Variants in TASP1 observed in about 807,000 individuals in gnomAD.
The protein encoded by TASP1 is taspase 1, also known as threonine aspartase 1.
A neutral mutation model predicts 56.6 loss-of-function variants in TASP1; 16 were observed. The ratio of observed to expected loss-of-function variants is 0.28; its 90% CI spans 0.19 to 0.43. TASP1 has a LOEUF of 0.43. Ranked by LOEUF, TASP1 falls within the 20% of genes least tolerant of loss-of-function variation. The probability of loss-of-function intolerance (pLI) is 1.00; values close to 1 mark genes in which losing one functional copy is unlikely to be tolerated. For synonymous variants in TASP1, 179 were observed against 184.2 expected (o/e 0.97, Z 0.23); for missense variants, 393 against 511.6 (o/e 0.77, Z 2.24).
At chr20:13,214,562 C>CACAGAGAG in the TASP1 span, among the ~76,000 whole-genome samples, 4 of 111,376 alleles carry the variant, frequency 3.6e-5, no homozygotes, top group African/African-American at 1.3e-4. Context: ...CACACACACA[C>CACAGAGAG]AGAGAGAGAG....
the TASP1 span, chr20:13,160,033 A>G: frequency 6.2e-7 from 1 of 1,613,768 alleles, no homozygotes; most frequent in Non-Finnish European, 8.5e-7. Flanking sequence ...TAGAGAAAAA[A>G]ATTGGAGTGG....
At chr20:13,338,098 C>A in the TASP1 span, among the ~76,000 whole-genome samples, 1 of 152,188 alleles carries the variant, frequency 6.6e-6, no homozygotes, top group South Asian at 2.1e-4. Flanking sequence ...GTAGGCAGAG[C>A]AGCCCTTAGG....
At chr20:13,578,788 T>G (rs2047015673) in intron 6 of TASP1, among the ~76,000 whole-genome samples, 1 of 152,220 alleles carries the variant, frequency 6.6e-6, no homozygotes, top group Non-Finnish European at 1.5e-5. Flanking sequence ...GCTTCTAGAC[T>G]TGCAGTTCTT....
Position 13,435,081 on chromosome 20 carries a change from G to A in TASP1, c.1059C>T (p.Ala353=), listed in dbSNP as rs144649124. The change falls in exon 12 of 14, where the codon GCC becomes GCT. Residue 353 remains alanine (A), a synonymous_variant. Coordinates refer to ENST00000337743, the MANE Select transcript of TASP1 (RefSeq NM_017714.3). ...VIVLRSCRCS[A]EPDSSQNKQT... is the part of the protein sequence containing the mutation. Reference sequence around the variant, plus strand: ...GCTTATTTTGGGAGGAGTCAGGCTCGGCAGAACATCTGCATGAACGGAGGA... The same window carrying A: ...GCTTATTTTGGGAGGAGTCAGGCTCAGCAGAACATCTGCATGAACGGAGGA... 555 of 1,611,042 alleles carry A rather than the reference G, an allele frequency of 3.4e-4. No individual in the cohort carries two copies. The highest frequency in any genetic ancestry group is 2.3e-3 in the Middle Eastern group (14 of 6,046).
At chr20:13,213,296 C>T in the TASP1 span, among the ~76,000 whole-genome samples, 1 of 151,718 alleles carries the variant, frequency 6.6e-6, no homozygotes, top group East Asian at 2.1e-4. Flanking sequence ...TTAAAAAATG[C>T]AACATAAAGC....
At chr20:13,218,145 G>C in the TASP1 span, among the ~76,000 whole-genome samples, 1 of 151,876 alleles carries the variant, frequency 6.6e-6, no homozygotes, top group Non-Finnish European at 1.5e-5. Flanking sequence ...CAGCTACTCC[G>C]TAAGCTGAGG....
At chr20:13,161,602 C>T in the TASP1 span, among the ~76,000 whole-genome samples, 4 of 152,034 alleles carry the variant, frequency 2.6e-5, no homozygotes, top group African/African-American at 4.8e-5. Context: ...AAACTCCATA[C>T]AGAGGAGAAA....
intron 1 of TASP1, among the ~76,000 whole-genome samples, chr20:13,633,128 T>A (rs1382402886): frequency 1.3e-5 from 2 of 152,106 alleles, no homozygotes; most frequent in African/African-American, 2.4e-5. Context: ...ATGGAAGTGG[T>A]TAAAAATAAA....
At chr20:13,402,504 T>G (rs1212807717) in intron 13 of TASP1, among the ~76,000 whole-genome samples, 1 of 152,176 alleles carries the variant, frequency 6.6e-6, no homozygotes, top group Admixed American at 6.5e-5. Context: ...TCCTGTGGTT[T>G]ATAAGTGCAC....
the TASP1 span, among the ~76,000 whole-genome samples, chr20:13,357,811 TCTA>T: frequency 2.9e-3 from 442 of 152,260 alleles, no homozygotes; most frequent in African/African-American, 0.01. Flanking sequence ...AAATTAATGA[TCTA>T]CTACTACATG....
intron 10 of TASP1, among the ~76,000 whole-genome samples, chr20:13,526,894 T>C (rs1469009414): frequency 1.3e-5 from 2 of 152,072 alleles, no homozygotes; most frequent in African/African-American, 2.4e-5. Context: ...GAATGAAATG[T>C]TCTGTTGAAC....
At chr20:13,442,392 T>C (rs1295692642) in intron 11 of TASP1, among the ~76,000 whole-genome samples, 1 of 151,866 alleles carries the variant, frequency 6.6e-6, no homozygotes, top group Non-Finnish European at 1.5e-5. Flanking sequence ...TCCCAGCACT[T>C]TGGGAGGCCA....
At position 13,541,987 on chromosome 20, in the gene TASP1, G is replaced by A. The variant is rs1467144046; in HGVS notation, c.676-7846C>T. 4.6e-5 allele frequency among the ~76,000 whole-genome samples: 7 copies of A among 150,992 alleles called. No homozygotes were observed. In the East Asian group the frequency reaches 1.4e-3, roughly 29 times the overall value. ...TTGAACCCGGGAAACAGAGGTTGCA[G>A]TGAGCTGAGATTGTGCCACTGCCCT... On this transcript the variant is annotated intron_variant, in intron 8 of 13. Coordinates refer to ENST00000337743, the MANE Select transcript of TASP1 (RefSeq NM_017714.3).
chr20:13,300,364 T>C, the TASP1 span: 1 of 152,152 alleles, frequency 6.6e-6, no homozygotes, highest in Non-Finnish European at 1.5e-5. Flanking sequence ...TTTAATACTA[T>C]TTTAACAATT....
chr20:13,411,301 C>T (rs917786600), intron 13 of TASP1, among the ~76,000 whole-genome samples: 2 of 152,164 alleles, frequency 1.3e-5, no homozygotes, highest in African/African-American at 4.8e-5. Flanking sequence ...GCTATTTGGG[C>T]TCTTTTGGGG....
intron 12 of TASP1, among the ~76,000 whole-genome samples, chr20:13,429,664 G>T (rs571341207): frequency 1.3e-5 from 2 of 151,496 alleles, no homozygotes; most frequent in East Asian, 3.9e-4. Flanking sequence ...GTCTGTGTGT[G>T]TGCTGCCTGC....
chr20:13,577,634 C>A (rs537318116), intron 6 of TASP1, among the ~76,000 whole-genome samples: 1 of 152,046 alleles, frequency 6.6e-6, no homozygotes, highest in Non-Finnish European at 1.5e-5. Flanking sequence ...TTCCCTACAC[C>A]CCTATCTCTA....
intron 4 of TASP1, among the ~76,000 whole-genome samples, chr20:13,613,153 T>C (rs1256298098): frequency 2.0e-5 from 3 of 152,162 alleles, no homozygotes; most frequent in Admixed American, 2.0e-4. Context: ...ATCTGCAACA[T>C]AGAAGCCACA....
chr20:13,119,066 G>A, the TASP1 span, among the ~76,000 whole-genome samples: 13 of 152,332 alleles, frequency 8.5e-5, no homozygotes, highest in African/African-American at 1.7e-4. Flanking sequence ...TCTGGTGAAA[G>A]GTTAAATGTT....
Sources: gnomAD v4.1 joint callset for allele counts (sites outside exome capture counted in the v4.1 genomes callset) on GRCh38, gnomAD v4.1.1 for gene constraint, MANE v1.5 for transcripts, NCBI Gene and HGNC (gene_info 2026-07-23, HGNC 2026-07-21) for gene names.